The following PDE3A variants were observed in gnomAD, a reference collection of about 807,000 sequenced individuals.
PDE3A encodes the protein cGMP-inhibited 3',5'-cyclic phosphodiesterase 3A.
Under a neutral mutation model 98.3 loss-of-function variants are expected in PDE3A, and 43 were observed. The observed-to-expected ratio is 0.44, with a 90% CI of 0.34 to 0.56. PDE3A has a LOEUF of 0.56. Ranked by LOEUF, PDE3A falls within the 20% of genes least tolerant of loss-of-function variation. The probability of loss-of-function intolerance (pLI) is 0.01; values close to 1 mark genes in which losing one functional copy is unlikely to be tolerated. For missense variants in PDE3A, 1,427 were observed against 1,440.7 expected, an observed-to-expected ratio of 0.99 and a Z score of 0.15; for synonymous variants, 663 against 567.9, an observed-to-expected ratio of 1.17 and a Z score of -2.38.
chr12:20,554,859 A>T (rs189603561), intron 1 of PDE3A, among the ~76,000 whole-genome samples: 1 of 152,186 alleles, frequency 6.6e-6, no homozygotes, highest in African/African-American at 2.4e-5. Context: ...AATATTTTTG[A>T]TGTTTTCTTG....
At chr12:20,405,341 C>A (rs1453717714) in intron 1 of PDE3A, among the ~76,000 whole-genome samples, 1 of 152,132 alleles carries the variant, frequency 6.6e-6, no homozygotes, top group Non-Finnish European at 1.5e-5. Context: ...TCCTTCCCAC[C>A]TTCATCCTCT....
chr12:20,648,963 T>C (rs1944850762), intron 13 of PDE3A, 72 bp downstream of exon 13: 2 of 965,014 alleles, frequency 2.1e-6, no homozygotes, highest in Non-Finnish European at 3.0e-6. Context: ...TCTTGCTCTG[T>C]CGCCCAGACT....
intron 1 of PDE3A, among the ~76,000 whole-genome samples, chr12:20,465,028 C>T (rs772370686): frequency 1.3e-5 from 2 of 152,042 alleles, no homozygotes; most frequent in Admixed American, 6.6e-5. Flanking sequence ...GAAGTTTAGC[C>T]GTTGTGCATA....
intron 15 of PDE3A, among the ~76,000 whole-genome samples, chr12:20,667,981 G>A (rs1945362553): frequency 6.6e-6 from 1 of 152,180 alleles, no homozygotes; most frequent in Admixed American, 6.5e-5. Flanking sequence ...GCGCAGGTCA[G>A]TGGGTGCGCG....
At chr12:20,590,088 A>G (rs1178455143) in intron 2 of PDE3A, among the ~76,000 whole-genome samples, 1 of 152,028 alleles carries the variant, frequency 6.6e-6, no homozygotes, top group Non-Finnish European at 1.5e-5. Context: ...ATAGTTTTCC[A>G]AGTGCTCTAT....
intron 2 of PDE3A, among the ~76,000 whole-genome samples, chr12:20,603,528 A>G (rs137897496): frequency 6.6e-6 from 1 of 152,232 alleles, no homozygotes; most frequent in Non-Finnish European, 1.5e-5. Flanking sequence ...AAGTGGAAAT[A>G]GGTTTTTGTT....
In PDE3A at chr12:20,436,912, C is replaced by G. The variant is rs1372775529; in HGVS notation, c.960+66668C>G. 2.6e-5 allele frequency among the ~76,000 whole-genome samples: 4 copies of G among 152,144 alleles called. 1 individual carries two copies. Among genetic ancestry groups the G allele is most frequent in the African/African-American group, 9.7e-5 (4 of 41,426 alleles). ...TTAAATGATATTGAACTAGCTTTCC[C>G]CTTAGAACATTGCTTTTCTTTGCAG... On this transcript the variant is annotated intron_variant, in intron 1 of 15. Transcript: ENST00000359062.
chr12:20,602,293 T>G (rs1319601357), intron 2 of PDE3A, among the ~76,000 whole-genome samples: 2 of 152,218 alleles, frequency 1.3e-5, no homozygotes, highest in African/African-American at 2.4e-5. Flanking sequence ...GCTAAGGTTA[T>G]CTTCTGAAAG....
chr12:20,378,293 C>A (rs1303844474), intron 1 of PDE3A, among the ~76,000 whole-genome samples: 1 of 151,686 alleles, frequency 6.6e-6, no homozygotes, highest in Admixed American at 6.6e-5. Flanking sequence ...CTCTCCATCA[C>A]CTTTCCTTAT....
In PDE3A at chr12:20,369,801, C is replaced by T; in HGVS notation, c.517C>T (p.Leu173Phe). 6.2e-7 allele frequency: 1 copy of T among 1,612,532 alleles called. No homozygotes were observed. Among genetic ancestry groups the T allele is most frequent in the South Asian group, 1.1e-5 (1 of 90,978 alleles). Reference protein sequence around the residue: ...LLAACCGGEALVQIGLGVGED... With the variant: ...LLAACCGGEAFVQIGLGVGED... ...GGCCGCCTGCTGCGGGGGGGAAGCG[C>T]TCGTCCAGATTGGGCTGGGCGTCGG... Residue 173 changes from leucine to phenylalanine, a missense_variant, in exon 1 of 16, where the codon CTC becomes TTC. By Grantham distance (22) the Leu-to-Phe change is conservative. Coordinates refer to ENST00000359062, the MANE Select transcript of PDE3A (RefSeq NM_000921.5).
intron 1 of PDE3A, among the ~76,000 whole-genome samples, chr12:20,440,659 T>A (rs1944856034): frequency 1.3e-5 from 2 of 152,278 alleles, no homozygotes; most frequent in South Asian, 4.2e-4. Flanking sequence ...GTTTACTTGG[T>A]GGTGGAGTCT....
chr12:20,550,597 AT>A (rs1942175390), intron 1 of PDE3A, among the ~76,000 whole-genome samples: 1 of 152,118 alleles, frequency 6.6e-6, no homozygotes, highest in South Asian at 2.1e-4. Flanking sequence ...TTAAAGAAAT[AT>A]CTACTATGTA....
intron 5 of PDE3A, among the ~76,000 whole-genome samples, chr12:20,627,133 C>A (rs11045345): frequency 0.26 from 33,049 of 125,346 alleles, 3,855 homozygotes; most frequent in East Asian, 0.43. Context: ...GGGCTTTGAA[C>A]TATTGTTCTG....
intron 1 of PDE3A, among the ~76,000 whole-genome samples, chr12:20,380,107 A>C (rs891050138): frequency 6.6e-6 from 1 of 151,880 alleles, no homozygotes; most frequent in African/African-American, 2.4e-5. Flanking sequence ...CTCTTCAGCT[A>C]TCACCTTTTT....
chr12:20,552,715 G>A lies in PDE3A; in HGVS notation c.961-3945G>A. 6.2e-7 allele frequency: 1 copy of A among 1,614,034 alleles called. No individual in the cohort carries two copies. The highest frequency in any genetic ancestry group is 1.1e-5 in the South Asian group (1 of 91,086). ...CAAGAGCAACGCCAAGCTGTGGAAT[G>A]AGGTCCTGGCGTCACTCAAGGACCG... is the stretch of plus-strand genomic sequence containing the variant. On this transcript the variant is annotated intron_variant, in intron 1 of 15. Coordinates refer to ENST00000359062, the MANE Select transcript of PDE3A (RefSeq NM_000921.5). This position sits in a 1 kb window ranked among gnomAD's most constrained non-coding sequence, Gnocchi z 5.1.
At chr12:20,409,117 C>G (rs1167467362) in intron 1 of PDE3A, among the ~76,000 whole-genome samples, 1 of 152,142 alleles carries the variant, frequency 6.6e-6, no homozygotes, top group Non-Finnish European at 1.5e-5. Flanking sequence ...GCCTCTTCAT[C>G]ATCTCCTCAT....
intron 2 of PDE3A, among the ~76,000 whole-genome samples, chr12:20,608,137 T>C (rs562002015): frequency 3.9e-5 from 6 of 152,310 alleles, no homozygotes; most frequent in African/African-American, 1.4e-4. Flanking sequence ...TGCTATTTAT[T>C]GAAACAGCAG....
intron 1 of PDE3A, among the ~76,000 whole-genome samples, chr12:20,431,632 C>T (rs573968431): frequency 3.9e-5 from 6 of 152,024 alleles, no homozygotes; most frequent in South Asian, 4.2e-4. Flanking sequence ...CGCACACACA[C>T]GCACGCACAA....
intron 15 of PDE3A, among the ~76,000 whole-genome samples, chr12:20,661,469 G>A (rs1945168928): frequency 6.6e-6 from 1 of 152,180 alleles, no homozygotes; most frequent in Non-Finnish European, 1.5e-5. Context: ...ATATGTCAGA[G>A]GTCTTCATGG....
Sources: allele counts gnomAD v4.1 joint callset (sites outside exome capture counted in the v4.1 genomes callset), GRCh38; gene constraint gnomAD v4.1.1; non-coding constraint Gnocchi (gnomAD v3.1); transcripts MANE v1.5; gene names NCBI Gene and HGNC (gene_info 2026-07-23, HGNC 2026-07-21).